The following CCDC63 variants were observed in gnomAD, a reference collection of about 807,000 sequenced individuals.
CCDC63 encodes the protein coiled-coil domain containing 63.
Under a neutral mutation model 63.6 loss-of-function variants are expected in CCDC63, and 54 were observed. The ratio of observed to expected loss-of-function variants is 0.85; its 90% CI spans 0.68 to 1.07. The LOEUF (loss-of-function observed/expected upper bound fraction) is 1.07, where lower values mean the gene tolerates loss of function less well. Among genes scored for constraint, CCDC63 ranks in the 50% least tolerant of loss-of-function variants. CCDC63 has a pLI of 0.00. For missense variants in CCDC63, 637 were observed against 689.6 expected (o/e 0.92, Z 0.86); for synonymous variants, 253 against 266.1 (o/e 0.95, Z 0.48).
At chr12:110,865,269 T>C (rs2070927572) in intron 4 of CCDC63, among the ~76,000 whole-genome samples, 1 of 152,074 alleles carries the variant, frequency 6.6e-6, no homozygotes, top group Non-Finnish European at 1.5e-5. Flanking sequence ...ACTGGGCACT[T>C]CTTGCTGCCT....
intron 8 of CCDC63, among the ~76,000 whole-genome samples, chr12:110,888,126 C>T (rs989363087): frequency 3.9e-5 from 6 of 152,254 alleles, no homozygotes; most frequent in Admixed American, 3.9e-4. Flanking sequence ...CTGAAGTGCT[C>T]CAGGGCCCGC....
chr12:110,867,934 A>G (rs1362402792), intron 4 of CCDC63, among the ~76,000 whole-genome samples: 1 of 146,886 alleles, frequency 6.8e-6, no homozygotes, highest in African/African-American at 2.6e-5. Flanking sequence ...CACTTCTCAG[A>G]CGGGGCAGCT....
At position 110,880,119 on chromosome 12, in the gene CCDC63, G is replaced by T. The variant is rs201431903; in HGVS notation, c.671+32G>T. The T allele has an allele frequency of 8.2e-5, 132 of 1,600,366 alleles. No individual in the cohort carries two copies. In the African/African-American group the frequency reaches 1.4e-3, roughly 16 times the overall value. On this transcript the variant is annotated intron_variant, in intron 6 of 11. Coordinates refer to ENST00000308208, the MANE Select transcript of CCDC63 (RefSeq NM_152591.3). The stretch of plus-strand genomic sequence containing the variant: ...TGGGGATAGGTCCAGGGGCAGCGAG[G>T]TCTCTTAGCCCCTTGCTGAGCATCT...
chr12:110,855,389 T>TA (rs2070758157), intron 3 of CCDC63, among the ~76,000 whole-genome samples: 1 of 152,200 alleles, frequency 6.6e-6, no homozygotes, highest in African/African-American at 2.4e-5. Context: ...AGCCTACCTC[T>TA]GGTGGGCATC....
intron 9 of CCDC63, among the ~76,000 whole-genome samples, chr12:110,895,343 G>T (rs2071405271): frequency 6.6e-6 from 1 of 152,186 alleles, no homozygotes; most frequent in South Asian, 2.1e-4. Flanking sequence ...TCCAACTCCT[G>T]ACCTTAGGTG....
At chr12:110,898,474 T>G (rs1214917008) in intron 9 of CCDC63, among the ~76,000 whole-genome samples, 4 of 150,644 alleles carry the variant, frequency 2.7e-5, no homozygotes, top group African/African-American at 7.3e-5. Flanking sequence ...AAAAGTTAGC[T>G]GGGCATGGTG....
rs149270035 is a variant in CCDC63, at chr12:110,858,509, A to C, written c.180-77A>C. The C allele has an allele frequency of 6.1e-4, 797 of 1,316,584 alleles. 2 individuals carry two copies. Among genetic ancestry groups the C allele is most frequent in the Non-Finnish European group, 6.6e-4 (632 of 956,672 alleles). The allele number at this position is 1,316,584 out of a possible 1,614,324, so 81.6% of individuals were successfully genotyped here. A position where few individuals can be genotyped will look rare whatever the true frequency, so the allele number is the denominator to read the frequency against. ...AATTCCTCTCTCCCGGTCTCCTTGC[A>C]GGGCTGATGTGCCTGGAGTGCTCCG... On this transcript the variant is annotated intron_variant, in intron 3 of 11. Transcript: ENST00000308208.
intron 4 of CCDC63, among the ~76,000 whole-genome samples, chr12:110,860,714 C>T (rs1013277718): frequency 1.3e-5 from 2 of 152,012 alleles, no homozygotes; most frequent in Admixed American, 6.6e-5. Flanking sequence ...TTCAGTCTCC[C>T]GTGTAGCTGG....
At chr12:110,851,724 G>A (rs1252071892) in intron 1 of CCDC63, among the ~76,000 whole-genome samples, 2 of 152,034 alleles carry the variant, frequency 1.3e-5, no homozygotes, top group Non-Finnish European at 2.9e-5. Context: ...CTGCACCTTC[G>A]CCCTCTGAAA....
At chr12:110,878,434 C>T (rs2071160021) in intron 5 of CCDC63, among the ~76,000 whole-genome samples, 1 of 152,164 alleles carries the variant, frequency 6.6e-6, no homozygotes, top group Admixed American at 6.6e-5. Context: ...CTTGCCTCAG[C>T]CTCCTGAGTA....
At chr12:110,857,521 G>A (rs2070789594) in intron 3 of CCDC63, among the ~76,000 whole-genome samples, 1 of 152,142 alleles carries the variant, frequency 6.6e-6, no homozygotes, top group African/African-American at 2.4e-5. Flanking sequence ...GATCCAATTG[G>A]TCTCAGGTTG....
intron 11 of CCDC63, among the ~76,000 whole-genome samples, chr12:110,906,555 A>G (rs192746492): frequency 2.6e-5 from 4 of 152,080 alleles, no homozygotes; most frequent in Admixed American, 6.6e-5. Context: ...GAAAAAATCA[A>G]TTTTTTAAAA....
At chr12:110,901,834 C>T (rs2071492028) in intron 10 of CCDC63, among the ~76,000 whole-genome samples, 1 of 151,584 alleles carries the variant, frequency 6.6e-6, no homozygotes, top group Non-Finnish European at 1.5e-5. Context: ...TCCTTCATTC[C>T]TTCCTTTCTT....
chr12:110,860,808 C>T (rs760418572), intron 4 of CCDC63, among the ~76,000 whole-genome samples: 7 of 152,184 alleles, frequency 4.6e-5, no homozygotes, highest in African/African-American at 9.7e-5. Context: ...AGGCTGGTCT[C>T]GAACTCCTGA....
intron 5 of CCDC63, among the ~76,000 whole-genome samples, chr12:110,876,487 C>T (rs1443707427): frequency 1.3e-5 from 2 of 152,186 alleles, no homozygotes; most frequent in Non-Finnish European, 2.9e-5. Context: ...GGCTCTTCTG[C>T]TCAGGCTTGT....
intron 1 of CCDC63, among the ~76,000 whole-genome samples, chr12:110,852,137 AGTG>A (rs1354911823): frequency 6.6e-6 from 1 of 152,178 alleles, no homozygotes; most frequent in Non-Finnish European, 1.5e-5. Flanking sequence ...ATGAAGTTCA[AGTG>A]GTGACATGAT....
intron 3 of CCDC63, among the ~76,000 whole-genome samples, chr12:110,857,768 G>A (rs1055717689): frequency 6.6e-5 from 10 of 152,160 alleles, no homozygotes; most frequent in Non-Finnish European, 1.5e-4. Context: ...AGAAACTGGT[G>A]GAGCTTAGAG....
At chr12:110,856,844 CTTTTTTTTTTTT>C (rs34855503) in intron 3 of CCDC63, among the ~76,000 whole-genome samples, 1 of 115,548 alleles carries the variant, frequency 8.7e-6, no homozygotes, top group Non-Finnish European at 1.9e-5. Flanking sequence ...CCTTTCCTTT[CTTTTTTTTTTTT>C]TTTTTTTTGA....
chr12:110,853,489 C>T lies in CCDC63; in HGVS notation c.94C>T (p.Arg32Trp), dbSNP rs754942747. 2.2e-5 allele frequency: 36 copies of T among 1,614,038 alleles called. No individual in the cohort carries two copies. The highest frequency in any genetic ancestry group is 1.5e-4 in the Admixed American group (9 of 59,994). ...AGAGCAGCAGGCGGAGGCAGAGCTC[C>T]GGAAGCTAAGGCAGCAGTTCAGGAA... The part of the protein sequence containing the change: ...AKEQQAEAEL[R>W]KLRQQFRKMV... The change falls in exon 3 of 12, where the codon CGG becomes TGG. Residue 32 changes from arginine to tryptophan, a missense_variant. Arg to Trp is a moderately radical substitution (Grantham distance 101). Transcript: ENST00000308208.
Sources: allele counts gnomAD v4.1 joint callset (sites outside exome capture counted in the v4.1 genomes callset), GRCh38; gene constraint gnomAD v4.1.1; transcripts MANE v1.5; gene names NCBI Gene and HGNC (gene_info 2026-07-23, HGNC 2026-07-21).